Variants in SLC25A11 observed in about 807,000 individuals in gnomAD.
SLC25A11 encodes the protein solute carrier family 25 member 11.
Under a neutral mutation model 32.7 loss-of-function variants are expected in SLC25A11, and 11 were observed. The observed-to-expected ratio is 0.34, with a 90% CI of 0.21 to 0.56. The LOEUF is 0.56. Among genes scored for constraint, SLC25A11 ranks in the 20% least tolerant of loss-of-function variants. The pLI is 0.90. For missense variants in SLC25A11, 295 were observed against 426.3 expected (o/e 0.69, Z 2.71); for synonymous variants, 163 against 168.3 (o/e 0.97, Z 0.24).
At position 4,939,145 on chromosome 17, in the gene SLC25A11, C is replaced by A. The variant is rs769169887; in HGVS notation, c.163G>T (p.Gly55Trp). The change falls in exon 2 of 8, where the codon GGG becomes TGG. Residue 55 changes from glycine (G) to tryptophan (W), a missense_variant. Transcript: ENST00000225665. This position sits in a 1 kb window ranked among gnomAD's most constrained non-coding sequence, Gnocchi z 4.1. ...VKNRMQLSGEGAKTREYKTSF... is the reference protein window; with the variant it reads ...VKNRMQLSGEWAKTREYKTSF... ...GTTTTGTACTCTCGAGTCTTGGCCCCTTCCCCGCTCAACTGCATCCGGTTC... is the reference window on the plus strand; with the variant it reads ...GTTTTGTACTCTCGAGTCTTGGCCCATTCCCCGCTCAACTGCATCCGGTTC... 1 of 1,614,034 alleles carries A rather than the reference C, an allele frequency of 6.2e-7. No individual in the cohort carries two copies. Among genetic ancestry groups the A allele is most frequent in the South Asian group, 1.1e-5 (1 of 91,084 alleles).
rs1425910156 is a variant in SLC25A11 at position 4,938,212 on chromosome 17, T to A, written c.679A>T (p.Met227Leu). Residue 227 changes from methionine to leucine, a missense_variant, in exon 6 of 8, where the codon ATG becomes TTG. Physicochemically the swap from Met to Leu is conservative, Grantham distance 15. Around this residue, in one of 3 missense-constraint regions of SLC25A11, gnomAD observed 142 missense variants for 197.8 expected, o/e 0.72. Transcript: ENST00000225665. This position sits in a 1 kb window ranked among gnomAD's most constrained non-coding sequence, Gnocchi z 7.6. The part of the protein sequence containing the change: ...DNILCHFCAS[M>L]ISGLVTTAAS... ...GCAGTGGTGACAAGACCGCTGATCA[T>A]GCTGGCACAGAAGTGGCACAAGATG... 1 of 1,614,082 alleles carries A rather than the reference T, an allele frequency of 6.2e-7. No individual in the cohort carries two copies. Among genetic ancestry groups the A allele is most frequent in the East Asian group, 2.2e-5 (1 of 44,882 alleles).
chr17:4,938,755 G>T lies in SLC25A11; in HGVS notation c.455+14C>A. 6.2e-7 allele frequency: 1 copy of T among 1,606,528 alleles called. No homozygotes were observed. The highest frequency in any genetic ancestry group is 8.5e-7 in the Non-Finnish European group (1 of 1,174,940). On this transcript the variant is annotated intron_variant, in intron 3 of 7. Coordinates refer to ENST00000225665, the MANE Select transcript of SLC25A11 (RefSeq NM_003562.5). The surrounding 1 kb of genome is among the most constrained non-coding windows in gnomAD (Gnocchi z 7.6). ...GGGAATGGGGCTGGGGTTAGGTTCA[G>T]ACTTGGAACTCACCGGCCATCGGCA...
Position 4,939,714 on chromosome 17 carries a change from G to T in SLC25A11, c.95+102C>A, listed in dbSNP as rs1970591843. ...ATACGCTGGAGATCGCGCTGACCCC[G>T]TGCCGGCACAGTTCACTGCAACAGA... On this transcript the variant is annotated intron_variant, in intron 1 of 7. Transcript: ENST00000225665. The surrounding 1 kb of genome is among the most constrained non-coding windows in gnomAD (Gnocchi z 4.1). 3.2e-6 allele frequency: 3 copies of T among 927,998 alleles called. No individual in the cohort carries two copies. Among genetic ancestry groups the T allele is most frequent in the African/African-American group, 1.7e-5 (1 of 59,702 alleles). The allele number at this position is 927,998 out of a possible 1,614,324, so 57.5% of individuals were successfully genotyped here. A position where few individuals can be genotyped will look rare whatever the true frequency, so the allele number is the denominator to read the frequency against.
chr17:4,938,420 G>C lies in SLC25A11; in HGVS notation c.556C>G (p.Pro186Ala). Residue 186 changes from proline to alanine, a missense_variant, in exon 5 of 8, where the codon CCT becomes GCT. Physicochemically the swap from Pro to Ala is conservative, Grantham distance 27 (BLOSUM62 -1). This residue lies in a region of SLC25A11 where 142 missense variants were observed against 197.8 expected (regional missense o/e 0.72). Transcript: ENST00000225665. This position sits in a 1 kb window ranked among gnomAD's most constrained non-coding sequence, Gnocchi z 7.6. The stretch of plus-strand genomic sequence containing the variant: ...ACGACGACGGCCCGAGCCATGGTAG[G>C]GATGCAGCCCTGGAGGGAGGGGAGC... The part of the protein sequence containing the change: ...GVLTLWRGCI[P>A]TMARAVVVNA... 6.2e-7 allele frequency: 1 copy of C among 1,614,174 alleles called. No individual in the cohort carries two copies. Among genetic ancestry groups the C allele is most frequent in the Non-Finnish European group, 8.5e-7 (1 of 1,180,034 alleles).
At position 4,939,303 on chromosome 17, in the gene SLC25A11, G is replaced by A. The variant is rs1970556560; in HGVS notation, c.96-91C>T. The A allele has an allele frequency of 2.2e-6, 3 of 1,386,414 alleles. No homozygotes were observed. The highest frequency in any genetic ancestry group is 4.6e-5 in the Admixed American group (2 of 43,022). The allele number at this position is 1,386,414 out of a possible 1,614,324, so 85.9% of individuals were successfully genotyped here. On this transcript the variant is annotated intron_variant, in intron 1 of 7. Transcript: ENST00000225665. The surrounding 1 kb of genome is among the most constrained non-coding windows in gnomAD (Gnocchi z 4.1). ...TGGCAGCAAGAGGTTACAAAGGTCA[G>A]GGCCTGCCATGCGATTCAAGAATCA... is the stretch of plus-strand genomic sequence containing the variant.
In SLC25A11 at chr17:4,938,717, A is replaced by T. The variant is rs1970507379; in HGVS notation, c.455+52T>A. The T allele has an allele frequency of 1.9e-6, 3 of 1,595,108 alleles. No homozygotes were observed. In the South Asian group the frequency reaches 3.3e-5, roughly 18 times the overall value. On this transcript the variant is annotated intron_variant, in intron 3 of 7. Coordinates refer to ENST00000225665, the MANE Select transcript of SLC25A11 (RefSeq NM_003562.5). The surrounding 1 kb of genome is among the most constrained non-coding windows in gnomAD (Gnocchi z 7.6). ...TCCGGGATAAAAAACTGGTCCTTTC[A>T]TTCTAGATTCGAGGGAATGGGGCTG...
chr17:4,937,975 C>T (rs757194625), intron 7 of SLC25A11, 48 bp downstream of exon 7: 9 of 1,613,460 alleles, frequency 5.6e-6, no homozygotes, highest in South Asian at 2.2e-5. Context: ...CACACCTTTC[C>T]CAGGGGATCC....
chr17:4,938,834 A>T lies in SLC25A11; in HGVS notation c.390T>A (p.Gly130=). 1.2e-6 allele frequency: 2 copies of T among 1,614,146 alleles called. No homozygotes were observed. Among genetic ancestry groups the T allele is most frequent in the South Asian group, 2.2e-5 (2 of 91,078 alleles). The change falls in exon 3 of 8, where the codon GGT becomes GGA. Residue 130 remains glycine (G), a synonymous_variant. Coordinates refer to ENST00000225665, the MANE Select transcript of SLC25A11 (RefSeq NM_003562.5). This position sits in a 1 kb window ranked among gnomAD's most constrained non-coding sequence, Gnocchi z 7.6. Reference sequence around the variant, plus strand: ...GTGTTCCCACAAAGGCACCAGTGGCACCTGCGGTCATGCCAATCACAGCCT... The same window carrying T: ...GTGTTCCCACAAAGGCACCAGTGGCTCCTGCGGTCATGCCAATCACAGCCT... ...LLKAVIGMTA[G]ATGAFVGTPA...
At position 4,939,973 on chromosome 17, in the gene SLC25A11, G is replaced by T; in HGVS notation, c.-63C>A. On this transcript the variant is annotated 5_prime_UTR_variant, in exon 1 of 8. Coordinates refer to ENST00000225665, the MANE Select transcript of SLC25A11 (RefSeq NM_003562.5). The surrounding 1 kb of genome is among the most constrained non-coding windows in gnomAD (Gnocchi z 4.1). ...GCGCGGCCCCGCTCGCGCCCAAGGT[G>T]ACACCGCGCGCGCAACAGAGCGAGG... is the stretch of plus-strand genomic sequence containing the variant. 1.6e-6 allele frequency: 2 copies of T among 1,265,096 alleles called. No homozygotes were observed. Among genetic ancestry groups the T allele is most frequent in the South Asian group, 1.5e-5 (1 of 66,140 alleles). 78.4% of individuals were successfully genotyped at this position (1,265,096 alleles called of 1,614,324 possible).
In SLC25A11 at chr17:4,937,665, TC is replaced by T; in HGVS notation, c.*75del. The T allele has an allele frequency of 6.8e-7, 1 of 1,477,456 alleles. No individual in the cohort carries two copies. Among genetic ancestry groups the T allele is most frequent in the Middle Eastern group, 2.4e-4 (1 of 4,234 alleles). The allele number at this position is 1,477,456 out of a possible 1,614,324, so 91.5% of individuals were successfully genotyped here. ...TGTGGAAGGGAAATAAATAGAGGGG[TC>T]CAGGGCAGCAGAGCCCAGGCCCCCA... On this transcript the variant is annotated 3_prime_UTR_variant, in exon 8 of 8. Coordinates refer to ENST00000225665, the MANE Select transcript of SLC25A11 (RefSeq NM_003562.5).
Position 4,937,581 on chromosome 17 carries a change from C to A in SLC25A11, c.*160G>T. ...AATCACAGGATCAGGACGAGCAGGG[C>A]AAGCTGGAGCAGGGGGTAGAACAGA... On this transcript the variant is annotated 3_prime_UTR_variant, in exon 8 of 8. Coordinates refer to ENST00000225665, the MANE Select transcript of SLC25A11 (RefSeq NM_003562.5). 1 of 766,804 alleles carries A rather than the reference C, an allele frequency of 1.3e-6. No homozygotes were observed. Among genetic ancestry groups the A allele is most frequent in the Non-Finnish European group, 2.0e-6 (1 of 504,766 alleles). 47.5% of individuals were successfully genotyped at this position (766,804 alleles called of 1,614,324 possible).
Position 4,938,086 on chromosome 17 carries a change from G to A in SLC25A11, c.738-12C>T, listed in dbSNP as rs374042494. On this transcript the variant is annotated splice_polypyrimidine_tract_variant and intron_variant, in intron 6 of 7. Transcript: ENST00000225665. This position sits in a 1 kb window ranked among gnomAD's most constrained non-coding sequence, Gnocchi z 7.6. Reference sequence around the variant, plus strand: ...GCATGTTCTGGATTCTGCAGGAGAGGACGCAGGGGCATGAGAGACCGAAAG... The same window carrying A: ...GCATGTTCTGGATTCTGCAGGAGAGAACGCAGGGGCATGAGAGACCGAAAG... 1.2e-4 allele frequency: 199 copies of A among 1,614,032 alleles called. No homozygotes were observed. Among genetic ancestry groups the A allele is most frequent in the Non-Finnish European group, 1.7e-4 (197 of 1,180,050 alleles).
chr17:4,938,184 G>A lies in SLC25A11; in HGVS notation c.707C>T (p.Ala236Val), dbSNP rs1457743123. ...CTTGGCAATGTCCACAGGCATGGAG[G>A]CAGCAGTGGTGACAAGACCGCTGAT... is the stretch of plus-strand genomic sequence containing the variant. ...SMISGLVTTA[A>V]SMPVDIAKTR... The change falls in exon 6 of 8, where the codon GCC becomes GTC. Residue 236 changes from alanine to valine, a missense_variant. By Grantham distance (64) the Ala-to-Val change is moderately conservative. Transcript: ENST00000225665. The surrounding 1 kb of genome is among the most constrained non-coding windows in gnomAD (Gnocchi z 7.6). The A allele has an allele frequency of 6.2e-7, 1 of 1,614,164 alleles. No homozygotes were observed. The highest frequency in any genetic ancestry group is 8.5e-7 in the Non-Finnish European group (1 of 1,180,004).
chr17:4,939,719 G>A lies in SLC25A11; in HGVS notation c.95+97C>T, dbSNP rs1970592211. The stretch of plus-strand genomic sequence containing the variant: ...CTGGAGATCGCGCTGACCCCGTGCC[G>A]GCACAGTTCACTGCAACAGACCCAG... On this transcript the variant is annotated intron_variant, in intron 1 of 7. Coordinates refer to ENST00000225665, the MANE Select transcript of SLC25A11 (RefSeq NM_003562.5). The surrounding 1 kb of genome is among the most constrained non-coding windows in gnomAD (Gnocchi z 4.1). 5.1e-6 allele frequency: 5 copies of A among 972,422 alleles called. No homozygotes were observed. The highest frequency in any genetic ancestry group is 8.0e-6 in the Non-Finnish European group (5 of 627,848). 60.2% of individuals were successfully genotyped at this position (972,422 alleles called of 1,614,324 possible).
At position 4,939,937 on chromosome 17, in the gene SLC25A11, G is replaced by C. The variant is rs780922028; in HGVS notation, c.-27C>G. 2 of 1,578,238 alleles carry C rather than the reference G, an allele frequency of 1.3e-6. No homozygotes were observed. The highest frequency in any genetic ancestry group is 1.8e-5 in the Admixed American group (1 of 54,656). On this transcript the variant is annotated 5_prime_UTR_variant, in exon 1 of 8. Transcript: ENST00000225665. The surrounding 1 kb of genome is among the most constrained non-coding windows in gnomAD (Gnocchi z 4.1). Reference sequence around the variant, plus strand: ...GCCACTCAATGGCCCTCGGCTCCGGGTCCCGTGCGCGCGCGGCCCCGCTCG... The same window carrying C: ...GCCACTCAATGGCCCTCGGCTCCGGCTCCCGTGCGCGCGCGGCCCCGCTCG...
At position 4,938,644 on chromosome 17, in the gene SLC25A11, C is replaced by A. The variant is rs189215876; in HGVS notation, c.456-42G>T. On this transcript the variant is annotated intron_variant, in intron 3 of 7. Coordinates refer to ENST00000225665, the MANE Select transcript of SLC25A11 (RefSeq NM_003562.5). This position sits in a 1 kb window ranked among gnomAD's most constrained non-coding sequence, Gnocchi z 7.6. ...AAGAGGTCAAGATCAGGATTGCCCA[C>A]AGGTGCAAAGAAAGGAAGGCCAGAA... is the stretch of plus-strand genomic sequence containing the variant. The A allele has an allele frequency of 3.1e-6, 5 of 1,603,304 alleles. No homozygotes were observed. In the Admixed American group the frequency reaches 8.3e-5, roughly 27 times the overall value.
Position 4,937,798 on chromosome 17 carries a change from G to A in SLC25A11, c.888C>T (p.Thr296=). The stretch of plus-strand genomic sequence containing the variant: ...TGTTCATCTGCTCCAAGAAGATGAA[G>A]GTGAGGACGGTGTGGGGGCCCAGGC... ...YARLGPHTVL[T]FIFLEQMNKA... The change falls in exon 8 of 8, where the codon ACC becomes ACT. Residue 296 remains threonine, a synonymous_variant. Coordinates refer to ENST00000225665, the MANE Select transcript of SLC25A11 (RefSeq NM_003562.5). 3 of 1,614,176 alleles carry A rather than the reference G, an allele frequency of 1.9e-6. No homozygotes were observed. The highest frequency in any genetic ancestry group is 1.7e-6 in the Non-Finnish European group (2 of 1,180,030).
rs1007416364 is a variant in SLC25A11 at position 4,939,576 on chromosome 17, C to A, written c.95+240G>T. ...TGGAACCCCCTGCCGCCCGGCCGAG[C>A]TTAGCAATGCGCTGGGAAACTCAGC... On this transcript the variant is annotated intron_variant, in intron 1 of 7. Transcript: ENST00000225665. This position sits in a 1 kb window ranked among gnomAD's most constrained non-coding sequence, Gnocchi z 4.1. 2 of 585,790 alleles carry A rather than the reference C, an allele frequency of 3.4e-6. No homozygotes were observed. Among genetic ancestry groups the A allele is most frequent in the Non-Finnish European group, 6.0e-6 (2 of 332,524 alleles). 36.3% of individuals were successfully genotyped at this position (585,790 alleles called of 1,614,324 possible). A position where few individuals can be genotyped will look rare whatever the true frequency, so the allele number is the denominator to read the frequency against.
chr17:4,939,328 A>G lies in SLC25A11; in HGVS notation c.96-116T>C. On this transcript the variant is annotated intron_variant, in intron 1 of 7. Transcript: ENST00000225665. This position sits in a 1 kb window ranked among gnomAD's most constrained non-coding sequence, Gnocchi z 4.1. Reference sequence around the variant, plus strand: ...GGGCCTGCCATGCGATTCAAGAATCAGGATGCTGGTGAGCATGTGTATAAG... The same window carrying G: ...GGGCCTGCCATGCGATTCAAGAATCGGGATGCTGGTGAGCATGTGTATAAG... 1 of 1,177,614 alleles carries G rather than the reference A, an allele frequency of 8.5e-7. No homozygotes were observed. Among genetic ancestry groups the G allele is most frequent in the Non-Finnish European group, 1.2e-6 (1 of 851,366 alleles). 72.9% of individuals were successfully genotyped at this position (1,177,614 alleles called of 1,614,324 possible).
Sources: allele counts gnomAD v4.1 joint callset, GRCh38; gene constraint gnomAD v4.1.1; regional missense constraint gnomAD v4.1.1; non-coding constraint Gnocchi (gnomAD v3.1); transcripts MANE v1.5; gene names NCBI Gene and HGNC (gene_info 2026-07-23, HGNC 2026-07-21).